Variants in TMPRSS9 observed in about 807,000 individuals in gnomAD.
The protein encoded by TMPRSS9 is transmembrane serine protease 9, also known as transmembrane protease serine 9.
A neutral mutation model predicts 111.4 loss-of-function variants in TMPRSS9; 113 were observed. That is an observed-to-expected ratio of 1.01 (90% confidence interval 0.87 to 1.19). The LOEUF is 1.19. Among genes scored for constraint, TMPRSS9 ranks in the 50% most tolerant of loss-of-function variants. The pLI is 0.00. For missense variants in TMPRSS9, 1,803 were observed against 1,513.1 expected, an observed-to-expected ratio of 1.19 and a Z score of -3.18; for synonymous variants, 805 against 659.1, an observed-to-expected ratio of 1.22 and a Z score of -3.39.
intron 13 of TMPRSS9, among the ~76,000 whole-genome samples, 156 bp downstream of exon 14, chr19:2,418,294 TCC>T (rs1971311867): frequency 2.6e-5 from 2 of 78,256 alleles, no homozygotes; most frequent in African/African-American, 7.9e-5. Context: ...TTTCCTCCTT[TCC>T]TTCCCTCCCT....
chr19:2,377,243 C>CTGTA (rs71178267), intron 1 of TMPRSS9, among the ~76,000 whole-genome samples: 3,726 of 135,150 alleles, frequency 0.028, 60 homozygotes, highest in East Asian at 0.054. Context: ...TCTTTTTTTA[C>CTGTA]TGTATGTATG....
At chr19:2,391,255 A>AAT (rs1347157911) in intron 1 of TMPRSS9, among the ~76,000 whole-genome samples, 1 of 151,082 alleles carries the variant, frequency 6.6e-6, no homozygotes, top group Non-Finnish European at 1.5e-5. Context: ...AAAAAAAAAA[A>AAT]AAAAGTTAAT....
rs190138643 is a variant in TMPRSS9 at position 2,410,529 on chromosome 19, C to T, written c.1254+135C>T. On this transcript the variant is annotated intron_variant, in intron 9 of 17. Transcript: ENST00000648592. ...CCCAGACCCCAGAAAAACACAGACA[C>T]GAGCGTGTTCAAATGCTGGGCGATT... is the stretch of plus-strand genomic sequence containing the variant. 1.9e-4 allele frequency: 235 copies of T among 1,252,136 alleles called. No individual in the cohort carries two copies. In the African/African-American group the frequency reaches 2.9e-3, roughly 15 times the overall value. The allele number at this position is 1,252,136 out of a possible 1,614,324, so 77.6% of individuals were successfully genotyped here.
chr19:2,363,778 C>CTGTGTGTG (rs1491346219), intron 1 of TMPRSS9, among the ~76,000 whole-genome samples: 1,278 of 118,786 alleles, frequency 0.011, 17 homozygotes, highest in Middle Eastern at 0.047. Context: ...ATTCCAAGAA[C>CTGTGTGTG]TCTGTGTGTG....
intron 14 of TMPRSS9, 117 bp downstream of exon 15, chr19:2,422,364 G>A (rs1030866475): frequency 6.3e-6 from 8 of 1,264,150 alleles, no homozygotes; most frequent in Non-Finnish European, 8.4e-6. Flanking sequence ...CGGATCAAGA[G>A]GTCAGGAGAT....
intron 11 of TMPRSS9, 51 bp downstream of exon 12, chr19:2,415,892 C>A (rs1350240496): frequency 2.6e-6 from 4 of 1,520,868 alleles, no homozygotes; most frequent in Non-Finnish European, 3.5e-6. Flanking sequence ...TCCTCACCAG[C>A]CCCTCCCTGT....
intron 1 of TMPRSS9, among the ~76,000 whole-genome samples, chr19:2,376,423 T>A (rs1970334800): frequency 6.6e-6 from 1 of 152,110 alleles, no homozygotes; most frequent in Non-Finnish European, 1.5e-5. Context: ...GTCAGAGTTA[T>A]TATTCTGTGG....
At chr19:2,423,285 C>T (rs74547204) in intron 14 of TMPRSS9, among the ~76,000 whole-genome samples, 6,134 of 151,932 alleles carry the variant, frequency 0.04, 142 homozygotes, top group Non-Finnish European at 0.051. Flanking sequence ...CCTCAAAATA[C>T]AGGCGGGTTC....
upstream of TMPRSS9, among the ~76,000 whole-genome samples, chr19:2,386,476 G>A (rs755959491): frequency 2.0e-4 from 31 of 151,352 alleles, no homozygotes; most frequent in Middle Eastern, 6.9e-3. Flanking sequence ...CTGGACTCCA[G>A]CCTGGGTGAC....
intron 11 of TMPRSS9, 87 bp downstream of exon 12, chr19:2,415,928 G>C (rs944820447): frequency 6.9e-7 from 1 of 1,440,984 alleles, no homozygotes; most frequent in Non-Finnish European, 9.2e-7. Flanking sequence ...TGGGGCTGCT[G>C]CATGGACCCC....
At chr19:2,376,683 C>G (rs1286332200) in intron 1 of TMPRSS9, among the ~76,000 whole-genome samples, 1 of 152,118 alleles carries the variant, frequency 6.6e-6, no homozygotes, top group East Asian at 1.9e-4. Context: ...TGATCTCAAA[C>G]TGACCTCAAA....
chr19:2,416,562 C>T lies in TMPRSS9; in HGVS notation c.1770C>T (p.Ala590=), dbSNP rs781352612. 1.9e-6 allele frequency: 3 copies of T among 1,610,372 alleles called. No individual in the cohort carries two copies. The South Asian group carries it at 3.3e-5, about 18-fold the overall frequency. Reference sequence around the variant, plus strand: ...GCACGAAGGTGGAGCAGGTTCGGGCCCACCTGGGCACTGCGTCCCTCCTGG... The same window carrying T: ...GCACGAAGGTGGAGCAGGTTCGGGCTCACCTGGGCACTGCGTCCCTCCTGG... Residue 590 remains alanine, a synonymous_variant, in exon 12 of 18, where the codon GCC becomes GCT. Coordinates refer to ENST00000648592, the Ensembl canonical transcript of TMPRSS9.
At chr19:2,390,243 G>GTTTT (rs1242619162) in intron 1 of TMPRSS9, among the ~76,000 whole-genome samples, 1 of 129,014 alleles carries the variant, frequency 7.8e-6, no homozygotes, top group African/African-American at 3.0e-5. Flanking sequence ...TTTTTTTTTT[G>GTTTT]TTTTTTTTTT....
chr19:2,400,828 G>A (rs1970820961), intron 4 of TMPRSS9, among the ~76,000 whole-genome samples: 1 of 150,946 alleles, frequency 6.6e-6, no homozygotes, highest in African/African-American at 2.4e-5. Flanking sequence ...AAAAAAATTA[G>A]CCGGGCATGG....
At chr19:2,417,979 C>G in intron 12 of TMPRSS9, 23 bp from the exon 14 acceptor site, 1 of 1,611,380 alleles carries the variant, frequency 6.2e-7, no homozygotes, top group Non-Finnish European at 8.5e-7. Context: ...TGCACGTGGC[C>G]TTTCTGGCTC....
At chr19:2,425,234 G>T (rs1022703209) in exon 16 of TMPRSS9, 1 of 1,426,600 alleles carries the variant, frequency 7.0e-7, no homozygotes, top group East Asian at 3.1e-5. Flanking sequence ...CACGCGCTGC[G>T]TCATCACCGG....
At chr19:2,425,563 C>T in intron 17 of TMPRSS9, 70 bp downstream of exon 18, 2 of 1,440,044 alleles carry the variant, frequency 1.4e-6, no homozygotes. Flanking sequence ...CCCGCTGCCA[C>T]GAAGCCCACC....
intron 1 of TMPRSS9, among the ~76,000 whole-genome samples, chr19:2,382,647 A>G (rs1024071247): frequency 1.3e-5 from 2 of 148,952 alleles, no homozygotes; most frequent in African/African-American, 4.9e-5. Flanking sequence ...CAGACCACAC[A>G]TGCACACATA....
At chr19:2,378,137 C>T (rs1970354296) in intron 1 of TMPRSS9, among the ~76,000 whole-genome samples, 1 of 152,114 alleles carries the variant, frequency 6.6e-6, no homozygotes, top group South Asian at 2.1e-4. Context: ...GCCTTGGTTT[C>T]CCAAAGTGTT....
Sources: gnomAD v4.1 joint callset for allele counts (sites outside exome capture counted in the v4.1 genomes callset) on GRCh38, gnomAD v4.1.1 for gene constraint, MANE v1.5 for transcripts, NCBI Gene and HGNC (gene_info 2026-07-23, HGNC 2026-07-21) for gene names.